Variants in MED13 observed in about 807,000 individuals in gnomAD.
MED13 encodes the protein mediator of RNA polymerase II transcription subunit 13.
MED13 carries 23 observed loss-of-function variants against 225.2 expected under a neutral mutation model. The ratio of observed to expected loss-of-function variants is 0.10; its 90% CI spans 0.07 to 0.14. MED13 has a LOEUF of 0.14. MED13 is among the 10% of genes least tolerant of loss of function. MED13 has a pLI of 1.00. For synonymous variants in MED13, 942 were observed against 889.2 expected (o/e 1.06, Z -1.06); for missense variants, 2,197 against 2,594.5 (o/e 0.85, Z 3.33).
chr17:61,952,549 T>C (rs1422438402), intron 27 of MED13, among the ~76,000 whole-genome samples: 1 of 152,188 alleles, frequency 6.6e-6, no homozygotes, highest in Non-Finnish European at 1.5e-5. Flanking sequence ...GAGATTCTCT[T>C]AAAAATGTGC....
chr17:62,029,663 A>G lies in MED13; in HGVS notation c.1173-12T>C. 1 of 1,599,910 alleles carries G rather than the reference A, an allele frequency of 6.3e-7. No individual in the cohort carries two copies. The highest frequency in any genetic ancestry group is 8.5e-7 in the Non-Finnish European group (1 of 1,171,984). ...CAGAATACTTCCTCCTAAGATTTAA[A>G]GTTACAAAATTCTTTAAAATTCATA... On this transcript the variant is annotated splice_polypyrimidine_tract_variant and intron_variant, in intron 7 of 29. Transcript: ENST00000397786.
In MED13 at chr17:62,010,787, T is replaced by C. The variant is rs1385324916; in HGVS notation, c.1730A>G (p.Asp577Gly). ...AGACTGGGACAAACTGTCTATCCTA[T>C]CTTCCATTGGTTTAGAAGGAACCAA... Reference protein sequence around the residue: ...DPLVPSKPMEDRIDSLSQSFP... With the variant: ...DPLVPSKPMEGRIDSLSQSFP... Residue 577 changes from aspartate (D) to glycine (G), a missense_variant, in exon 9 of 30, where the codon GAT becomes GGT. Asp to Gly is a moderately conservative substitution (Grantham distance 94, BLOSUM62 -1). Coordinates refer to ENST00000397786, the MANE Select transcript of MED13 (RefSeq NM_005121.3). 4 of 1,614,244 alleles carry C rather than the reference T, an allele frequency of 2.5e-6. No individual in the cohort carries two copies. The highest frequency in any genetic ancestry group is 4.5e-5 in the East Asian group (2 of 44,888).
chr17:62,008,958 A>G lies in MED13; in HGVS notation c.1967+1592T>C, dbSNP rs527636195. Among the ~76,000 whole-genome samples, 14 of 152,300 alleles carry G rather than the reference A, an allele frequency of 9.2e-5. No individual in the cohort carries two copies. The South Asian group carries it at 1.9e-3, about 20-fold the overall frequency. On this transcript the variant is annotated intron_variant, in intron 9 of 29. Coordinates refer to ENST00000397786, the MANE Select transcript of MED13 (RefSeq NM_005121.3). ...AAATAAACATAAATCGATAATGAAA[A>G]TGTGACATTTTAAGCAAATAAAGTC...
chr17:61,980,416 C>T (rs2080194119), intron 16 of MED13, among the ~76,000 whole-genome samples: 2 of 152,126 alleles, frequency 1.3e-5, no homozygotes, highest in Admixed American at 1.3e-4. Context: ...ATTTTTCTAT[C>T]TCCAGACCCA....
At chr17:62,041,131 C>T (rs565127507) in intron 3 of MED13, among the ~76,000 whole-genome samples, 85 of 152,284 alleles carry the variant, frequency 5.6e-4, no homozygotes, top group African/African-American at 2.0e-3. Flanking sequence ...GAAAACAACC[C>T]AAATACCATT....
intron 3 of MED13, among the ~76,000 whole-genome samples, chr17:62,049,886 C>T (rs1204326121): frequency 7.8e-5 from 11 of 140,870 alleles, no homozygotes; most frequent in South Asian, 2.2e-4. Context: ...GCTGAGATCG[C>T]GCCACTGCAC....
intron 5 of MED13, among the ~76,000 whole-genome samples, chr17:62,032,983 C>T (rs1025405229): frequency 5.3e-5 from 8 of 152,090 alleles, no homozygotes; most frequent in African/African-American, 1.9e-4. Context: ...AACCCCATCT[C>T]TACTAGCATT....
intron 2 of MED13, among the ~76,000 whole-genome samples, chr17:62,060,398 G>A (rs776017014): frequency 3.9e-4 from 59 of 151,934 alleles, no homozygotes; most frequent in African/African-American, 8.5e-4. Context: ...CAAGGCTGGC[G>A]GATCACAAGC....
At chr17:61,989,755 G>A (rs562677030) in intron 11 of MED13, among the ~76,000 whole-genome samples, 4 of 152,366 alleles carry the variant, frequency 2.6e-5, no homozygotes, top group African/African-American at 9.6e-5. Context: ...ATAGGCATGG[G>A]CCATGACACT....
chr17:61,992,701 G>A (rs896577350), intron 10 of MED13, 80 bp from the exon 11 acceptor site: 2 of 934,970 alleles, frequency 2.1e-6, no homozygotes, highest in Non-Finnish European at 3.5e-6. Flanking sequence ...GGAGCTGTGT[G>A]TCAGGCATCC....
intron 8 of MED13, among the ~76,000 whole-genome samples, chr17:62,018,633 G>C (rs901523302): frequency 4.6e-4 from 70 of 151,810 alleles, no homozygotes; most frequent in African/African-American, 1.7e-3. Flanking sequence ...AAAATCGCTC[G>C]AGCCAGGGAG....
chr17:62,046,219 G>A lies in MED13; in HGVS notation c.470+6318C>T, dbSNP rs113490730. Among the ~76,000 whole-genome samples, 969 of 152,248 alleles carry A rather than the reference G, an allele frequency of 6.4e-3. 9 individuals are homozygous for A. The highest frequency in any genetic ancestry group is 0.022 in the African/African-American group (915 of 41,556). On this transcript the variant is annotated intron_variant, in intron 3 of 29. Coordinates refer to ENST00000397786, the MANE Select transcript of MED13 (RefSeq NM_005121.3). ...GAATTCAACAGAAAAGAAGTCCGAA[G>A]TAATAACTTAAAGATAGACTTAGCT...
chr17:62,018,877 T>C (rs891447542), intron 8 of MED13, among the ~76,000 whole-genome samples: 2 of 152,248 alleles, frequency 1.3e-5, no homozygotes, highest in Admixed American at 6.5e-5. Context: ...TAACAAAATG[T>C]GCCAACATTC....
chr17:61,958,383 G>C (rs2079967941), intron 23 of MED13, among the ~76,000 whole-genome samples: 1 of 152,040 alleles, frequency 6.6e-6, no homozygotes, highest in Non-Finnish European at 1.5e-5. Context: ...TCTGTTGCCA[G>C]GCTGGAGTGC....
At chr17:62,034,359 C>T (rs1253432033) in intron 4 of MED13, among the ~76,000 whole-genome samples, 11 of 151,832 alleles carry the variant, frequency 7.2e-5, no homozygotes, top group East Asian at 3.9e-4. Context: ...TGGTTGCACA[C>T]GCCTGCAATC....
intron 2 of MED13, among the ~76,000 whole-genome samples, chr17:62,055,651 C>T (rs2080991210): frequency 1.3e-5 from 2 of 151,714 alleles, no homozygotes; most frequent in Non-Finnish European, 2.9e-5. Flanking sequence ...AGTGAAACCC[C>T]ATCTCTACTA....
intron 5 of MED13, 79 bp from the exon 6 acceptor site, chr17:62,031,717 G>A: frequency 1.2e-6 from 1 of 810,620 alleles, no homozygotes; most frequent in Non-Finnish European, 1.8e-6. Flanking sequence ...GTACTATAAT[G>A]GAAAAGTAGG....
In MED13 at chr17:62,040,857, T is replaced by C. The variant is rs1394845111; in HGVS notation, c.471-5249A>G. 2.0e-5 allele frequency among the ~76,000 whole-genome samples: 3 copies of C among 151,908 alleles called. 1 individual carries two copies. Among genetic ancestry groups the C allele is most frequent in the East Asian group, 1.9e-4 (1 of 5,192 alleles). ...AGATACCACCTCACACCCATAAAAA[T>C]AGCTTTAAAAAAAACAGGAAATAAC... On this transcript the variant is annotated intron_variant, in intron 3 of 29. Coordinates refer to ENST00000397786, the MANE Select transcript of MED13 (RefSeq NM_005121.3).
chr17:62,032,991 A>G (rs1230708251), intron 5 of MED13, among the ~76,000 whole-genome samples: 1 of 152,076 alleles, frequency 6.6e-6, no homozygotes, highest in Non-Finnish European at 1.5e-5. Flanking sequence ...CTCTACTAGC[A>G]TTACAAAAAT....
Sources: gnomAD v4.1 joint callset for allele counts (sites outside exome capture counted in the v4.1 genomes callset) on GRCh38, gnomAD v4.1.1 for gene constraint, MANE v1.5 for transcripts, NCBI Gene and HGNC (gene_info 2026-07-23, HGNC 2026-07-21) for gene names.